Variants in UBE2G1 observed in about 807,000 individuals in gnomAD.
The protein encoded by UBE2G1 is ubiquitin conjugating enzyme E2 G1.
Under a neutral mutation model 22.7 loss-of-function variants are expected in UBE2G1, and 5 were observed. The ratio of observed to expected loss-of-function variants is 0.22; its 90% CI spans 0.12 to 0.46. The LOEUF is 0.46. Ranked by LOEUF, UBE2G1 falls within the 20% of genes least tolerant of loss-of-function variation. UBE2G1 has a pLI of 0.99. For missense variants in UBE2G1, 88 were observed against 203.9 expected, an observed-to-expected ratio of 0.43 and a Z score of 3.46; for synonymous variants, 74 against 67.5, an observed-to-expected ratio of 1.10 and a Z score of -0.47.
intron 1 of UBE2G1, among the ~76,000 whole-genome samples, chr17:4,331,202 G>T (rs1969573535): frequency 6.6e-6 from 1 of 152,084 alleles, no homozygotes; most frequent in Non-Finnish European, 1.5e-5. Context: ...TATTTATGAA[G>T]AACCTCAAAA....
intron 1 of UBE2G1, among the ~76,000 whole-genome samples, chr17:4,308,213 C>T (rs775309171): frequency 2.6e-5 from 4 of 152,066 alleles, no homozygotes; most frequent in African/African-American, 4.8e-5. Flanking sequence ...ATTAGCTGGG[C>T]GTAGTGGCAC....
chr17:4,362,957 T>C (rs1408057282), intron 1 of UBE2G1, among the ~76,000 whole-genome samples: 3 of 152,058 alleles, frequency 2.0e-5, no homozygotes, highest in Middle Eastern at 3.2e-3. Context: ...ACCCTGTCTC[T>C]ACTAAAAATA....
At chr17:4,284,834 C>CTTTTTTT (rs200271235) in intron 4 of UBE2G1, among the ~76,000 whole-genome samples, 1 of 83,490 alleles carries the variant, frequency 1.2e-5, no homozygotes, top group African/African-American at 4.4e-5. Context: ...CTTTTCTTTT[C>CTTTTTTT]TTTCTTTTTT....
chr17:4,300,700 C>T (rs1352942707), intron 2 of UBE2G1, among the ~76,000 whole-genome samples: 1 of 151,784 alleles, frequency 6.6e-6, no homozygotes, highest in African/African-American at 2.4e-5. Context: ...CACGGTGGCT[C>T]ACACCTGTAA....
At chr17:4,315,111 A>G (rs1439612651) in intron 1 of UBE2G1, among the ~76,000 whole-genome samples, 2 of 152,066 alleles carry the variant, frequency 1.3e-5, no homozygotes, top group Non-Finnish European at 2.9e-5. Flanking sequence ...TTACAGACAA[A>G]TGATCATGTT....
rs574074065 is a variant in UBE2G1 at position 4,323,375 on chromosome 17, T to C, written c.47-16252A>G. Among the ~76,000 whole-genome samples the C allele has an allele frequency of 9.2e-5, 14 of 152,326 alleles. No individual in the cohort carries two copies. The South Asian group carries it at 2.9e-3, about 32-fold the overall frequency. ...TATCAATTACTGATGCCGTTTCTGA[T>C]GCAGGATGATGATGAAGACAAAACT... On this transcript the variant is annotated intron_variant, in intron 1 of 5. Transcript: ENST00000396981.
intron 1 of UBE2G1, among the ~76,000 whole-genome samples, chr17:4,325,040 G>A (rs1969487742): frequency 6.6e-6 from 1 of 151,884 alleles, no homozygotes; most frequent in South Asian, 2.1e-4. Flanking sequence ...TCGCGCCACT[G>A]CACTCCAGCC....
chr17:4,290,185 G>T (rs978257866), intron 3 of UBE2G1, among the ~76,000 whole-genome samples: 1 of 151,730 alleles, frequency 6.6e-6, no homozygotes, highest in African/African-American at 2.4e-5. Flanking sequence ...ATCTTTTATG[G>T]TAACATTTAC....
chr17:4,279,387 T>C (rs1968856596), intron 5 of UBE2G1, among the ~76,000 whole-genome samples: 1 of 151,908 alleles, frequency 6.6e-6, no homozygotes, highest in Admixed American at 6.6e-5. Flanking sequence ...AGCAAGGACT[T>C]GTCAATAAAT....
intron 1 of UBE2G1, among the ~76,000 whole-genome samples, chr17:4,352,170 A>G (rs1377635136): frequency 1.3e-5 from 2 of 152,216 alleles, no homozygotes; most frequent in Non-Finnish European, 2.9e-5. Context: ...CCAGGACCTA[A>G]GTAGAAAAGG....
chr17:4,273,903 A>T (rs990345835), intron 5 of UBE2G1, among the ~76,000 whole-genome samples: 4 of 152,190 alleles, frequency 2.6e-5, no homozygotes, highest in African/African-American at 9.6e-5. Context: ...GAGAAGCCAA[A>T]TATACCTAAA....
At chr17:4,301,568 A>G (rs1969180411) in intron 2 of UBE2G1, 1 of 1,334,532 alleles carries the variant, frequency 7.5e-7, no homozygotes, top group Middle Eastern at 1.8e-4. Flanking sequence ...GGCCCAATGT[A>G]GTTTTGTGTT....
intron 1 of UBE2G1, among the ~76,000 whole-genome samples, chr17:4,316,970 C>T (rs1374786026): frequency 1.3e-5 from 2 of 150,408 alleles, no homozygotes; most frequent in South Asian, 2.1e-4. Flanking sequence ...CAAGGCCAGG[C>T]TCGGTGGCCT....
intron 1 of UBE2G1, among the ~76,000 whole-genome samples, chr17:4,311,069 T>G (rs1266641818): frequency 6.6e-6 from 1 of 151,372 alleles, no homozygotes; most frequent in African/African-American, 2.4e-5. Context: ...AACAAAAGAG[T>G]ACAAAAATTA....
At chr17:4,337,831 CAA>C (rs1969666989) in intron 1 of UBE2G1, among the ~76,000 whole-genome samples, 1 of 151,876 alleles carries the variant, frequency 6.6e-6, no homozygotes, top group South Asian at 2.1e-4. Context: ...CAAGGGAATT[CAA>C]AGTTACTCAA....
chr17:4,329,501 T>C (rs1969544129), intron 1 of UBE2G1, among the ~76,000 whole-genome samples: 1 of 151,138 alleles, frequency 6.6e-6, no homozygotes, highest in Non-Finnish European at 1.5e-5. Context: ...GAGGTTGCAG[T>C]GAGCTGAGAT....
intron 1 of UBE2G1, among the ~76,000 whole-genome samples, chr17:4,359,451 T>C (rs1176940219): frequency 6.6e-6 from 1 of 152,228 alleles, no homozygotes; most frequent in Non-Finnish European, 1.5e-5. Flanking sequence ...ATTAACTTGT[T>C]GCAAATCTAG....
chr17:4,282,596 ATATC>A (rs1300928943), intron 5 of UBE2G1, among the ~76,000 whole-genome samples, 198 bp downstream of exon 5: 2 of 152,248 alleles, frequency 1.3e-5, no homozygotes, highest in East Asian at 3.8e-4. Context: ...TGAATGCAGA[ATATC>A]TAGTCAAAAA....
At chr17:4,354,322 C>A (rs1423497817) in intron 1 of UBE2G1, among the ~76,000 whole-genome samples, 1 of 152,012 alleles carries the variant, frequency 6.6e-6, no homozygotes, top group African/African-American at 2.4e-5. Flanking sequence ...CCTGAAACAC[C>A]AAAACAGCAT....
Sources: gnomAD v4.1 joint callset for allele counts (sites outside exome capture counted in the v4.1 genomes callset) on GRCh38, gnomAD v4.1.1 for gene constraint, MANE v1.5 for transcripts, NCBI Gene and HGNC (gene_info 2026-07-23, HGNC 2026-07-21) for gene names.